The following PCDHGA9 variants were observed in gnomAD, a reference collection of about 807,000 sequenced individuals.
PCDHGA9 encodes protocadherin gamma-A9.
Under a neutral mutation model 62.5 loss-of-function variants are expected in PCDHGA9, and 37 were observed. The ratio of observed to expected loss-of-function variants is 0.59; its 90% CI spans 0.46 to 0.78. The LOEUF is 0.78. Among genes scored for constraint, PCDHGA9 ranks in the 30% least tolerant of loss-of-function variants. PCDHGA9 has a pLI of 0.00. For synonymous variants in PCDHGA9, 459 were observed against 484.6 expected, an observed-to-expected ratio of 0.95 and a Z score of 0.69; for missense variants, 1,138 against 1,166.2, an observed-to-expected ratio of 0.98 and a Z score of 0.35.
chr5:141,475,984 G>C (rs1282216343), intron 1 of PCDHGA9: 1 of 1,069,308 alleles, frequency 9.4e-7, no homozygotes, highest in Non-Finnish European at 1.3e-6. Flanking sequence ...AACAGCCGGC[G>C]AGCAAATCAA....
chr5:141,405,856 C>T (rs1340012897), intron 1 of PCDHGA9, among the ~76,000 whole-genome samples: 1 of 152,096 alleles, frequency 6.6e-6, no homozygotes, highest in Non-Finnish European at 1.5e-5. Flanking sequence ...GTGTGTTTCT[C>T]ATCACTTTTC....
chr5:141,403,049 T>A lies in PCDHGA9; in HGVS notation c.97T>A (p.Tyr33Asn). 6.2e-7 allele frequency: 1 copy of A among 1,614,056 alleles called. No homozygotes were observed. Among genetic ancestry groups the A allele is most frequent in the Non-Finnish European group, 8.5e-7 (1 of 1,179,912 alleles). The change falls in exon 1 of 4, where the codon TAC becomes AAC. Residue 33 changes from tyrosine (Y) to asparagine (N), a missense_variant. Coordinates refer to ENST00000573521, the MANE Select transcript of PCDHGA9 (RefSeq NM_018921.3). The stretch of plus-strand genomic sequence containing the variant: ...GGAGGCCAGGGCCAGTCAGATTCGC[T>A]ACTCAGTGCCTGAAGAGACAGAAAA... The part of the protein sequence containing the change: ...LWEARASQIR[Y>N]SVPEETEKGY...
intron 1 of PCDHGA9, chr5:141,430,690 G>A: frequency 1.4e-6 from 2 of 1,410,426 alleles, no homozygotes; most frequent in Non-Finnish European, 1.9e-6. Flanking sequence ...CCCATTCTAT[G>A]GGCGAAGGAA....
Position 141,476,901 on chromosome 5 carries a change from G to A in PCDHGA9, c.2425-17906G>A, listed in dbSNP as rs1466086788. The A allele has an allele frequency of 1.9e-6, 3 of 1,613,782 alleles. No individual in the cohort carries two copies. The African/African-American group carries it at 4.0e-5, about 22-fold the overall frequency. On this transcript the variant is annotated intron_variant, in intron 1 of 3. Coordinates refer to ENST00000573521, the MANE Select transcript of PCDHGA9 (RefSeq NM_018921.3). The surrounding 1 kb of genome is among the most constrained non-coding windows in gnomAD (Gnocchi z 7.6). ...CTGGAGGATGCACCCTCCGGCACGC[G>A]CGTGGTACAAGTCCTTGCAACGGAT...
chr5:141,410,793 G>T, intron 1 of PCDHGA9: 2 of 637,704 alleles, frequency 3.1e-6, no homozygotes, highest in Admixed American at 4.3e-5. Flanking sequence ...TGGTTCATAA[G>T]TTGCTCTATC....
chr5:141,415,147 C>T (rs779194230), intron 1 of PCDHGA9: 17 of 1,613,668 alleles, frequency 1.1e-5, no homozygotes, highest in African/African-American at 1.3e-5. Context: ...CCAGCCCCCT[C>T]TCTCCGCCAC....
chr5:141,423,364 C>G (rs1299667864), intron 1 of PCDHGA9: 2 of 1,614,102 alleles, frequency 1.2e-6, no homozygotes, highest in East Asian at 4.5e-5. Flanking sequence ...CATCGTGCTG[C>G]TGGCACTCAG....
rs765263883 is a variant in PCDHGA9 at position 141,491,018 on chromosome 5, C to T, written c.2425-3789C>T. On this transcript the variant is annotated intron_variant, in intron 1 of 3. Coordinates refer to ENST00000573521, the MANE Select transcript of PCDHGA9 (RefSeq NM_018921.3). This position sits in a 1 kb window ranked among gnomAD's most constrained non-coding sequence, Gnocchi z 6.9. The stretch of plus-strand genomic sequence containing the variant: ...CCTGGCTCCTTGGTCACCAAGGTGA[C>T]AGCCGTGGATGCTGATGCAGGCCAC... 1.2e-6 allele frequency: 2 copies of T among 1,614,146 alleles called. No individual in the cohort carries two copies. The highest frequency in any genetic ancestry group is 1.7e-6 in the Non-Finnish European group (2 of 1,180,042).
intron 3 of PCDHGA9, among the ~76,000 whole-genome samples, chr5:141,509,044 C>G (rs1385744160): frequency 1.3e-5 from 2 of 152,130 alleles, no homozygotes. Flanking sequence ...CCCTCTCCCC[C>G]GCCCCCAGAA....
Position 141,489,956 on chromosome 5 carries a change from C to CTCCAACCT in PCDHGA9, c.2425-4845_2425-4838dup, listed in dbSNP as rs1176419823. Reference sequence around the variant, plus strand: ...ATCGTGCTGGACATCAATGATAATGCTCCAACCTTCCAATCCTCAGTTCTA... The same window carrying CTCCAACCT: ...ATCGTGCTGGACATCAATGATAATGCTCCAACCTTCCAACCTTCCAATCCTCAGTTCTA... On this transcript the variant is annotated intron_variant, in intron 1 of 3. Coordinates refer to ENST00000573521, the MANE Select transcript of PCDHGA9 (RefSeq NM_018921.3). The surrounding 1 kb of genome is among the most constrained non-coding windows in gnomAD (Gnocchi z 4.5). 16 of 1,614,012 alleles carry CTCCAACCT rather than the reference C, an allele frequency of 9.9e-6. No individual in the cohort carries two copies. The highest frequency in any genetic ancestry group is 1.4e-5 in the Non-Finnish European group (16 of 1,179,974).
At position 141,489,083 on chromosome 5, in the gene PCDHGA9, T is replaced by G; in HGVS notation, c.2425-5724T>G. On this transcript the variant is annotated intron_variant, in intron 1 of 3. Coordinates refer to ENST00000573521, the MANE Select transcript of PCDHGA9 (RefSeq NM_018921.3). This position sits in a 1 kb window ranked among gnomAD's most constrained non-coding sequence, Gnocchi z 4.5. ...CCTCCCCCCTGCCCACCCCCGCCACTCGGTGACTAAGAACTGCTGCAAGCA... is the reference window on the plus strand; with the variant it reads ...CCTCCCCCCTGCCCACCCCCGCCACGCGGTGACTAAGAACTGCTGCAAGCA... The G allele has an allele frequency of 1.2e-5, 2 of 172,008 alleles. No individual in the cohort carries two copies. Among genetic ancestry groups the G allele is most frequent in the Non-Finnish European group, 2.1e-5 (2 of 94,012 alleles). The allele number at this position is 172,008 out of a possible 1,614,324, so 10.7% of individuals were successfully genotyped here. A position where few individuals can be genotyped will look rare whatever the true frequency, so the allele number is the denominator to read the frequency against.
In PCDHGA9 at chr5:141,461,259, T is replaced by C. The variant is rs114101293; in HGVS notation, c.2425-33548T>C. Among the ~76,000 whole-genome samples the C allele has an allele frequency of 4.2e-3, 640 of 152,290 alleles. 5 individuals are homozygous for C. The highest frequency in any genetic ancestry group is 0.015 in the African/African-American group (623 of 41,554). On this transcript the variant is annotated intron_variant, in intron 1 of 3. Coordinates refer to ENST00000573521, the MANE Select transcript of PCDHGA9 (RefSeq NM_018921.3). ...TACTAATTTATATTCCCAGCAGCAA[T>C]GTGTAAGTGTTCTCTTTTCCCCACA...
Position 141,486,617 on chromosome 5 carries a change from C to G in PCDHGA9, c.2425-8190C>G. ...GCTTTGCTCCCTTGCAGCCTCTGAC[C>G]CAGACTCTGGCTTGAATGCGCTTAT... On this transcript the variant is annotated intron_variant, in intron 1 of 3. Transcript: ENST00000573521. This position sits in a 1 kb window ranked among gnomAD's most constrained non-coding sequence, Gnocchi z 5.0. 1 of 1,613,602 alleles carries G rather than the reference C, an allele frequency of 6.2e-7. No homozygotes were observed. Among genetic ancestry groups the G allele is most frequent in the South Asian group, 1.1e-5 (1 of 91,086 alleles).
chr5:141,505,402 T>G lies in PCDHGA9; in HGVS notation c.2493T>G (p.Asn831Lys), dbSNP rs1216666169. 1.9e-6 allele frequency: 3 copies of G among 1,614,014 alleles called. No homozygotes were observed. Among genetic ancestry groups the G allele is most frequent in the Non-Finnish European group, 2.5e-6 (3 of 1,180,034 alleles). Residue 831 changes from asparagine (N) to lysine (K), a missense_variant, in exon 3 of 4, where the codon AAT (asparagine) becomes AAG (lysine). Coordinates refer to ENST00000573521, the MANE Select transcript of PCDHGA9 (RefSeq NM_018921.3). The part of the protein sequence containing the change: ...AQRPGTSGSQ[N>K]GDDTGTWPNN... ...CCTACTCTCTCCCCAGCTCCCAAAA[T>G]GGCGATGACACCGGCACCTGGCCCA...
chr5:141,482,109 C>G (rs972542276), intron 1 of PCDHGA9, among the ~76,000 whole-genome samples: 2 of 149,582 alleles, frequency 1.3e-5, no homozygotes, highest in African/African-American at 2.5e-5. Context: ...AAAAAAATAT[C>G]TAGAGATGGG....
At chr5:141,430,689 T>A in intron 1 of PCDHGA9, 1 of 1,408,998 alleles carries the variant, frequency 7.1e-7, no homozygotes, top group Non-Finnish European at 9.4e-7. Flanking sequence ...TCCCATTCTA[T>A]GGGCGAAGGA....
At position 141,430,859 on chromosome 5, in the gene PCDHGA9, T is replaced by G. The variant is rs770543752; in HGVS notation, c.2424+25483T>G. The stretch of plus-strand genomic sequence containing the variant: ...GACCGGATGCACCCAGATACGCTAT[T>G]CAGTTCCGGAAGAGCTGGAGAAAGG... On this transcript the variant is annotated intron_variant, in intron 1 of 3. Transcript: ENST00000573521. 5.0e-6 allele frequency: 8 copies of G among 1,592,398 alleles called. No homozygotes were observed. The East Asian group carries it at 1.6e-4, about 31-fold the overall frequency.
intron 1 of PCDHGA9, chr5:141,424,091 G>A: frequency 1.1e-6 from 1 of 879,778 alleles, no homozygotes; most frequent in Non-Finnish European, 1.4e-6. Context: ...ACCATTATTT[G>A]CTATTACTGC....
chr5:141,419,617 C>T (rs780077182), intron 1 of PCDHGA9: 2 of 1,612,280 alleles, frequency 1.2e-6, no homozygotes, highest in South Asian at 2.2e-5. Flanking sequence ...AGCCAGGCTA[C>T]CTGGTGACCA....
Sources: allele counts gnomAD v4.1 joint callset (sites outside exome capture counted in the v4.1 genomes callset), GRCh38; gene constraint gnomAD v4.1.1; non-coding constraint Gnocchi (gnomAD v3.1); transcripts MANE v1.5; gene names NCBI Gene and HGNC (gene_info 2026-07-23, HGNC 2026-07-21).